TRIM9: variants seen among roughly 807,000 people sequenced by gnomAD.
TRIM9 encodes E3 ubiquitin-protein ligase TRIM9.
Under a neutral mutation model 78.3 loss-of-function variants are expected in TRIM9, and 26 were observed. The ratio of observed to expected loss-of-function variants is 0.33; its 90% CI spans 0.24 to 0.46. The LOEUF (loss-of-function observed/expected upper bound fraction) is 0.46, where lower values mean the gene tolerates loss of function less well. TRIM9 is among the 20% of genes least tolerant of loss of function. The pLI, the probability that TRIM9 is intolerant of heterozygous loss-of-function variation, is 1.00. For synonymous variants in TRIM9, 398 were observed against 416.5 expected, an observed-to-expected ratio of 0.96 and a Z score of 0.54; for missense variants, 787 against 1,036.4, an observed-to-expected ratio of 0.76 and a Z score of 3.30.
intron 1 of TRIM9, among the ~76,000 whole-genome samples, chr14:51,086,574 AAAG>A (rs960088149): frequency 5.9e-5 from 9 of 152,224 alleles, no homozygotes; most frequent in Non-Finnish European, 1.3e-4. Context: ...AAACGGAGTA[AAAG>A]AAGATAGATA....
chr14:51,089,996 A>G (rs1346916599), intron 1 of TRIM9: 1 of 152,254 alleles, frequency 6.6e-6, no homozygotes, highest in South Asian at 2.1e-4. Flanking sequence ...GGTGGGAAGT[A>G]CAGACAGGTG....
At chr14:50,989,027 T>C (rs80016229) in intron 7 of TRIM9, among the ~76,000 whole-genome samples, 6,597 of 152,286 alleles carry the variant, frequency 0.043, 220 homozygotes, top group East Asian at 0.15. Flanking sequence ...CACTCTCCAA[T>C]TGTAGCGTTA....
intron 1 of TRIM9, among the ~76,000 whole-genome samples, chr14:51,062,510 C>T (rs1169578412): frequency 2.0e-5 from 3 of 152,078 alleles, no homozygotes; most frequent in African/African-American, 7.2e-5. Context: ...TATTTGAAAA[C>T]TATTTGAAGG....
intron 1 of TRIM9, among the ~76,000 whole-genome samples, chr14:51,079,685 G>A (rs1008894662): frequency 6.6e-6 from 1 of 152,162 alleles, no homozygotes; most frequent in Non-Finnish European, 1.5e-5. Flanking sequence ...TCTTCACTGG[G>A]AATGATGCCA....
In TRIM9 at chr14:50,998,174, C is replaced by T. The variant is rs144100336; in HGVS notation, c.1479G>A (p.Gly493=). The T allele has an allele frequency of 1.1e-4, 185 of 1,614,038 alleles. 1 individual carries two copies. Among genetic ancestry groups the T allele is most frequent in the Admixed American group, 5.5e-4 (33 of 60,008 alleles). Residue 493 remains glycine (G), a synonymous_variant, in exon 7 of 13, where the codon GGG becomes GGA. Coordinates refer to ENST00000684578, the MANE Select transcript of TRIM9 (RefSeq NM_001387360.1). ...NGGQFREVYV[G]KETMCTVDGL... is the part of the protein sequence containing the mutation. ...CATCCACAGTGCACATTGTCTCCTT[C>T]CCCACATACACCTCCTGAGAGTCAG... is the stretch of plus-strand genomic sequence containing the variant.
intron 1 of TRIM9, among the ~76,000 whole-genome samples, chr14:51,084,925 G>A (rs2063612852): frequency 6.6e-6 from 1 of 152,160 alleles, no homozygotes; most frequent in Non-Finnish European, 1.5e-5. Context: ...GACCATCCAA[G>A]ATTTTGCCCT....
chr14:50,994,510 T>TG (rs1566555698), intron 7 of TRIM9, among the ~76,000 whole-genome samples: 11 of 152,206 alleles, frequency 7.2e-5, no homozygotes, highest in African/African-American at 2.7e-4. Flanking sequence ...ATAGACTTTG[T>TG]CCTACAAAGT....
intron 1 of TRIM9, among the ~76,000 whole-genome samples, chr14:51,081,566 A>AAGT (rs2063311566): frequency 6.6e-6 from 1 of 152,124 alleles, no homozygotes; most frequent in South Asian, 2.1e-4. Flanking sequence ...TCTGACACAA[A>AAGT]CTACCAGAGT....
intron 1 of TRIM9, among the ~76,000 whole-genome samples, chr14:51,030,757 G>C (rs373712567): frequency 3.9e-4 from 60 of 152,066 alleles, no homozygotes; most frequent in African/African-American, 1.3e-3. Flanking sequence ...CTTGGCTTTG[G>C]GGGAGGCTCT....
intron 1 of TRIM9, among the ~76,000 whole-genome samples, chr14:51,083,549 C>T (rs548338811): frequency 6.6e-6 from 1 of 152,124 alleles, no homozygotes; most frequent in Non-Finnish European, 1.5e-5. Context: ...AGCAGAGATC[C>T]TTAGTTTTAA....
intron 7 of TRIM9, chr14:50,996,362 T>A: frequency 1.0e-6 from 1 of 985,368 alleles, no homozygotes; most frequent in Non-Finnish European, 1.2e-6. Context: ...CACCATAATC[T>A]TATGAACATT....
At position 51,094,047 on chromosome 14, in the gene TRIM9, G is replaced by T. The variant is rs1256810399; in HGVS notation, c.822+71C>A. Reference sequence around the variant, plus strand: ...CTGGGATGCGCTGTGCGCAAGAGACGGGGACCGTCTGCTGCAAAACCGGAT... The same window carrying T: ...CTGGGATGCGCTGTGCGCAAGAGACTGGGACCGTCTGCTGCAAAACCGGAT... On this transcript the variant is annotated intron_variant, in intron 1 of 12. Coordinates refer to ENST00000684578, the MANE Select transcript of TRIM9 (RefSeq NM_001387360.1). 23 of 1,484,044 alleles carry T rather than the reference G, an allele frequency of 1.5e-5. No homozygotes were observed. The African/African-American group carries it at 2.9e-4, about 19-fold the overall frequency. 91.9% of individuals were successfully genotyped at this position (1,484,044 alleles called of 1,614,324 possible).
chr14:50,987,783 T>C (rs1170448330), intron 7 of TRIM9, among the ~76,000 whole-genome samples: 1 of 151,850 alleles, frequency 6.6e-6, no homozygotes. Context: ...TAAAATATTT[T>C]ATTTATTTAT....
chr14:51,046,014 A>G (rs1324787555), intron 1 of TRIM9, among the ~76,000 whole-genome samples: 3 of 152,242 alleles, frequency 2.0e-5, no homozygotes, highest in Non-Finnish European at 2.9e-5. Context: ...GACGTAATGT[A>G]TAATACTTGA....
chr14:51,007,934 C>T (rs944597714), intron 5 of TRIM9, among the ~76,000 whole-genome samples: 9 of 152,134 alleles, frequency 5.9e-5, no homozygotes, highest in African/African-American at 2.2e-4. Context: ...CTAAGACTTA[C>T]CGCCTTATAT....
intron 3 of TRIM9, among the ~76,000 whole-genome samples, chr14:51,015,622 T>C (rs2057105844): frequency 6.8e-6 from 1 of 146,998 alleles, no homozygotes; most frequent in Non-Finnish European, 1.5e-5. Flanking sequence ...CAAGTGATCT[T>C]CCCATCTCAG....
chr14:51,022,873 G>A lies in TRIM9; in HGVS notation c.1003C>T (p.Leu335=). The change falls in exon 3 of 13, where the codon CTG becomes TTG. Residue 335 remains leucine (L), a synonymous_variant. Transcript: ENST00000684578. ...DALNRRKAQL[L]ARVNKEHEHK... is the part of the protein sequence containing the mutation. ...TCATGCTCCTTGTTGACGCGGGCCA[G>A]CAGCTGGGCTTTTCTTCTGTTGAGG... The A allele has an allele frequency of 1.2e-6, 2 of 1,614,190 alleles. No individual in the cohort carries two copies. The highest frequency in any genetic ancestry group is 1.3e-5 in the African/African-American group (1 of 75,056).
At chr14:51,063,587 A>C (rs2061510116) in intron 1 of TRIM9, among the ~76,000 whole-genome samples, 1 of 152,146 alleles carries the variant, frequency 6.6e-6, no homozygotes, top group Admixed American at 6.6e-5. Context: ...TAATATTATG[A>C]AATTAGTCAC....
chr14:51,038,435 G>A (rs116375069), intron 1 of TRIM9, among the ~76,000 whole-genome samples: 228 of 152,308 alleles, frequency 1.5e-3, no homozygotes, highest in African/African-American at 5.3e-3. Flanking sequence ...AGTTGGTTAA[G>A]AGCTGGATGC....
Sources: allele counts gnomAD v4.1 joint callset (sites outside exome capture counted in the v4.1 genomes callset), GRCh38; gene constraint gnomAD v4.1.1; transcripts MANE v1.5; gene names NCBI Gene and HGNC (gene_info 2026-07-23, HGNC 2026-07-21).